The following CSMD3 variants were observed in gnomAD, a reference collection of about 807,000 sequenced individuals.
The protein encoded by CSMD3 is CUB and sushi domain-containing protein 3.
Under a neutral mutation model 435.2 loss-of-function variants are expected in CSMD3, and 177 were observed. That is an observed-to-expected ratio of 0.41 (90% CI 0.36 to 0.46). The LOEUF (loss-of-function observed/expected upper bound fraction) is 0.46. Among genes scored for constraint, CSMD3 ranks in the 20% least tolerant of loss-of-function variants. The probability of loss-of-function intolerance (pLI) is 0.34; values close to 1 mark genes in which losing one functional copy is unlikely to be tolerated. For synonymous variants in CSMD3, 1,656 were observed against 1,520.5 expected (o/e 1.09, Z -2.07); for missense variants, 4,265 against 4,504.6 (o/e 0.95, Z 1.52).
intron 5 of CSMD3, among the ~76,000 whole-genome samples, chr8:113,070,070 A>AT (rs1313378387): frequency 8.5e-5 from 13 of 152,090 alleles, no homozygotes; most frequent in Admixed American, 6.6e-5. Context: ...GATGGCTTTC[A>AT]TTATCATTCT....
At position 112,244,530 on chromosome 8, in the gene CSMD3, G is replaced by A. The variant is rs1364794256; in HGVS notation, c.10266C>T (p.Val3422=). The part of the protein sequence containing the change: ...KQPETPAHAN[V]VGMDLPSHGY... ...CATGAGATGGAAGGTCCATCCCTAC[G>A]ACATTTGCATGAGCAGGAGTTTCTG... The change falls in exon 65 of 71, where the codon GTC becomes GTT. Residue 3422 remains valine (V), a synonymous_variant. Transcript: ENST00000297405. 4 of 1,613,644 alleles carry A rather than the reference G, an allele frequency of 2.5e-6. No individual in the cohort carries two copies. The highest frequency in any genetic ancestry group is 2.2e-5 in the East Asian group (1 of 44,850).
Position 113,173,717 on chromosome 8 carries a change from T to C in CSMD3, c.709+5A>G. ...ACTCTCATTTTTAAAGTGTTTTCAT[T>C]TTACCTCTACAGATAGGAACAGGAA... On this transcript the variant is annotated splice_donor_5th_base_variant and intron_variant, in intron 4 of 70. Coordinates refer to ENST00000297405, the MANE Select transcript of CSMD3 (RefSeq NM_198123.2). The C allele has an allele frequency of 6.2e-7, 1 of 1,603,608 alleles. No homozygotes were observed. Among genetic ancestry groups the C allele is most frequent in the Admixed American group, 1.7e-5 (1 of 59,970 alleles).
chr8:112,893,302 T>C (rs578208838), intron 10 of CSMD3, among the ~76,000 whole-genome samples: 79 of 151,586 alleles, frequency 5.2e-4, no homozygotes, highest in Non-Finnish European at 1.6e-4. Flanking sequence ...TGAGAATCAA[T>C]GACTAGATTA....
chr8:112,929,133 T>C (rs1360060152), intron 9 of CSMD3, among the ~76,000 whole-genome samples: 1 of 145,922 alleles, frequency 6.9e-6, no homozygotes, highest in Non-Finnish European at 1.5e-5. Flanking sequence ...TTTGATGGGG[T>C]TGTTTGTTTT....
chr8:112,644,931 C>T (rs73702365), intron 20 of CSMD3, among the ~76,000 whole-genome samples, 178 bp downstream of exon 20: 2,800 of 152,070 alleles, frequency 0.018, 79 homozygotes, highest in African/African-American at 0.065. Context: ...CAATATAATA[C>T]TATAGAAGAG....
intron 31 of CSMD3, among the ~76,000 whole-genome samples, chr8:112,476,653 G>A (rs951941001): frequency 6.6e-6 from 1 of 152,078 alleles, no homozygotes; most frequent in Non-Finnish European, 1.5e-5. Context: ...TAATTTTGCT[G>A]TACCAAAGAA....
chr8:113,028,661 A>G (rs1396086280), intron 5 of CSMD3, among the ~76,000 whole-genome samples: 1 of 151,514 alleles, frequency 6.6e-6, no homozygotes, highest in African/African-American at 2.4e-5. Context: ...ATATAAGATC[A>G]AACCAACCAC....
At chr8:112,229,883 C>T (rs1445400448) in intron 69 of CSMD3, among the ~76,000 whole-genome samples, 3 of 123,724 alleles carry the variant, frequency 2.4e-5, no homozygotes, top group Admixed American at 1.5e-4. Context: ...TAGTGACAGC[C>T]GAGATTAAAA....
rs564067220 is a variant in CSMD3 at position 112,886,315 on chromosome 8, C to A, written c.1634-27049G>T. Among the ~76,000 whole-genome samples, 5 of 151,184 alleles carry A rather than the reference C, an allele frequency of 3.3e-5. No homozygotes were observed. In the South Asian group the frequency reaches 6.3e-4, roughly 19 times the overall value. On this transcript the variant is annotated intron_variant, in intron 10 of 70. Transcript: ENST00000297405. ...CAAATATAAATGTTAAGTCATTTTT[C>A]TTTTTTGCCTTTTGAAATGTTTCTT...
At chr8:112,632,641 G>A (rs561080610) in intron 22 of CSMD3, among the ~76,000 whole-genome samples, 361 of 152,074 alleles carry the variant, frequency 2.4e-3, no homozygotes, top group African/African-American at 8.3e-3. Context: ...ATATTTGGAT[G>A]CTGAGTGAAG....
intron 4 of CSMD3, among the ~76,000 whole-genome samples, chr8:113,111,763 C>G (rs1196425910): frequency 6.6e-6 from 1 of 152,056 alleles, no homozygotes; most frequent in African/African-American, 2.4e-5. Context: ...CTCACTGCAG[C>G]CTCTGCTTCC....
At chr8:112,276,251 T>C (rs1818028433) in intron 59 of CSMD3, among the ~76,000 whole-genome samples, 2 of 152,190 alleles carry the variant, frequency 1.3e-5, no homozygotes, top group African/African-American at 4.8e-5. Flanking sequence ...CCCATCATCT[T>C]GGGCAGCTCC....
intron 4 of CSMD3, among the ~76,000 whole-genome samples, chr8:113,118,115 C>G (rs992410070): frequency 1.3e-5 from 2 of 152,084 alleles, no homozygotes; most frequent in African/African-American, 4.8e-5. Context: ...GACTAATAAC[C>G]ATGTCAGCTA....
chr8:112,734,302 G>T (rs2077138704), intron 13 of CSMD3, among the ~76,000 whole-genome samples: 1 of 151,622 alleles, frequency 6.6e-6, no homozygotes, highest in South Asian at 2.1e-4. Context: ...AAGAGGGAGA[G>T]AGGAGGATGT....
At chr8:113,340,743 C>T (rs2094112671) in intron 1 of CSMD3, among the ~76,000 whole-genome samples, 1 of 151,882 alleles carries the variant, frequency 6.6e-6, no homozygotes, top group African/African-American at 2.4e-5. Context: ...TGCAGTAGCC[C>T]CTGTAGTCCC....
chr8:113,171,066 T>G (rs1429451790), intron 4 of CSMD3, among the ~76,000 whole-genome samples: 1 of 152,034 alleles, frequency 6.6e-6, no homozygotes, highest in African/African-American at 2.4e-5. Flanking sequence ...GAAGGACATT[T>G]GATATTATTC....
At chr8:112,861,511 C>T (rs1163352888) in intron 10 of CSMD3, among the ~76,000 whole-genome samples, 1 of 151,752 alleles carries the variant, frequency 6.6e-6, no homozygotes, top group African/African-American at 2.4e-5. Flanking sequence ...ATGCTGTTTT[C>T]TAGGTCTAGA....
At chr8:112,808,534 C>T (rs2079146283) in intron 12 of CSMD3, among the ~76,000 whole-genome samples, 1 of 152,076 alleles carries the variant, frequency 6.6e-6, no homozygotes, top group Non-Finnish European at 1.5e-5. Context: ...CTGTGGCAAG[C>T]TATATCCACA....
chr8:112,594,897 A>G (rs1204786549), intron 22 of CSMD3, among the ~76,000 whole-genome samples: 1 of 151,650 alleles, frequency 6.6e-6, no homozygotes, highest in Non-Finnish European at 1.5e-5. Context: ...AAAGTAGATA[A>G]AACCACAAAG....
Sources: gnomAD v4.1 joint callset for allele counts (sites outside exome capture counted in the v4.1 genomes callset) on GRCh38, gnomAD v4.1.1 for gene constraint, MANE v1.5 for transcripts, NCBI Gene and HGNC (gene_info 2026-07-23, HGNC 2026-07-21) for gene names.